CENPF: variants seen among roughly 807,000 people sequenced by gnomAD.
CENPF encodes AH antigen.
A neutral mutation model predicts 307.3 loss-of-function variants in CENPF; 214 were observed. The ratio of observed to expected loss-of-function variants is 0.70; its 90% CI spans 0.62 to 0.78. The LOEUF is 0.78. Ranked by LOEUF, CENPF falls within the 30% of genes least tolerant of loss-of-function variation. The pLI is 0.00. For missense variants in CENPF, 3,401 were observed against 3,483.9 expected (o/e 0.98, Z 0.60); for synonymous variants, 1,259 against 1,270.6 (o/e 0.99, Z 0.19).
At position 214,645,981 on chromosome 1, in the gene CENPF, C is replaced by T. The variant is rs138973447; in HGVS notation, c.6411C>T (p.His2137=). The T allele has an allele frequency of 3.6e-5, 58 of 1,614,056 alleles. 2 individuals are homozygous for T. The South Asian group carries it at 6.1e-4, about 17-fold the overall frequency. ...AGGCCGATGAAAAGAAGCAGCTGCA[C>T]ATCGCAGAGAAACTGAAAGAACGCG... ...RIEADEKKQL[H]IAEKLKERER... The change falls in exon 13 of 20, where the codon CAC becomes CAT. Residue 2137 remains histidine (H), a synonymous_variant. Transcript: ENST00000366955.
intron 16 of CENPF, 50 bp from the exon 17 acceptor site, chr1:214,655,191 C>T: frequency 8.2e-7 from 1 of 1,221,384 alleles, no homozygotes; most frequent in Non-Finnish European, 1.1e-6. Flanking sequence ...TTTCCATATG[C>T]TTATAAAAAG....
intron 9 of CENPF, 37 bp downstream of exon 9, chr1:214,630,699 C>T: frequency 1.9e-6 from 3 of 1,606,910 alleles, no homozygotes; most frequent in Non-Finnish European, 2.6e-6. Flanking sequence ...CTTAATCATC[C>T]CCTCTTGTTC....
Position 214,662,157 on chromosome 1 carries a change from GTC to G in CENPF, c.9142-1426_9142-1425del, listed in dbSNP as rs909599404. On this transcript the variant is annotated intron_variant, in intron 19 of 19. Coordinates refer to ENST00000366955, the MANE Select transcript of CENPF (RefSeq NM_016343.4). ...ACTTTCTGTTTCCTATGGGCTATCT[GTC>G]TCTCTCTTTTTAAATGGCAAACCTA... 2.6e-4 allele frequency among the ~76,000 whole-genome samples: 39 copies of G among 151,700 alleles called. 1 individual carries two copies. The highest frequency in any genetic ancestry group is 2.0e-3 in the Admixed American group (30 of 15,236).
At chr1:214,644,225 A>T (rs914680576) in intron 12 of CENPF, among the ~76,000 whole-genome samples, 1 of 152,266 alleles carries the variant, frequency 6.6e-6, no homozygotes, top group South Asian at 2.1e-4. Context: ...TTTAATAATT[A>T]CAAAGAGATT....
At chr1:214,627,966 A>C (rs928407827) in intron 7 of CENPF, among the ~76,000 whole-genome samples, 1 of 152,188 alleles carries the variant, frequency 6.6e-6, no homozygotes, top group Non-Finnish European at 1.5e-5. Flanking sequence ...AAGTATTTAC[A>C]AGTTGTGAGA....
intron 5 of CENPF, 149 bp downstream of exon 5, chr1:214,619,369 G>T (rs1034688081): frequency 6.6e-5 from 32 of 488,368 alleles, no homozygotes; most frequent in African/African-American, 6.3e-4. Flanking sequence ...CTCAGTGGAG[G>T]TGATTATTTT....
In CENPF at chr1:214,655,343, A is replaced by G. The variant is rs747366591; in HGVS notation, c.8425A>G (p.Lys2809Glu). 1.2e-6 allele frequency: 2 copies of G among 1,610,790 alleles called. No individual in the cohort carries two copies. The highest frequency in any genetic ancestry group is 1.7e-6 in the Non-Finnish European group (2 of 1,178,340). The part of the protein sequence containing the change: ...IKSCKQLEEE[K>E]EILQKELSQL... ...ATCCTGTAAACAGCTGGAAGAGGAA[A>G]AGGAGATACTGCAGAAAGAACTCTC... Residue 2809 changes from lysine to glutamate, a missense_variant, in exon 17 of 20, where the codon AAG becomes GAG. Coordinates refer to ENST00000366955, the MANE Select transcript of CENPF (RefSeq NM_016343.4).
chr1:214,609,256 A>G (rs568611053), intron 1 of CENPF, among the ~76,000 whole-genome samples: 56 of 152,228 alleles, frequency 3.7e-4, no homozygotes, highest in Admixed American at 3.3e-3. Flanking sequence ...TTTCCTGGTC[A>G]GTGTCTGTCT....
chr1:214,624,045 C>G (rs2102541891), intron 7 of CENPF, among the ~76,000 whole-genome samples: 1 of 152,216 alleles, frequency 6.6e-6, no homozygotes, highest in East Asian at 1.9e-4. Context: ...TGCAGTTGTA[C>G]AAAATAATAG....
chr1:214,615,085 G>A lies in CENPF; in HGVS notation c.359+57G>A, dbSNP rs933353908. The A allele has an allele frequency of 2.2e-5, 27 of 1,204,344 alleles. No homozygotes were observed. The East Asian group carries it at 4.2e-4, about 19-fold the overall frequency. 74.6% of individuals were successfully genotyped at this position (1,204,344 alleles called of 1,614,324 possible). On this transcript the variant is annotated intron_variant, in intron 3 of 19. Coordinates refer to ENST00000366955, the MANE Select transcript of CENPF (RefSeq NM_016343.4). ...ATATTTGTATGTATTAATCAGATGC[G>A]TTTGTCTTTTCCTTTAACAATATAA...
Position 214,655,237 on chromosome 1 carries a change from G to A in CENPF, c.8323-4G>A, listed in dbSNP as rs754652762. On this transcript the variant is annotated splice_region_variant and splice_polypyrimidine_tract_variant and intron_variant, in intron 16 of 19. Transcript: ENST00000366955. The stretch of plus-strand genomic sequence containing the variant: ...TTTTAAATGGAATTACTTTTATTTT[G>A]TAGATGGACAATCTAAAATATGTAA... 4.5e-6 allele frequency: 7 copies of A among 1,559,884 alleles called. No individual in the cohort carries two copies. Among genetic ancestry groups the A allele is most frequent in the Non-Finnish European group, 5.2e-6 (6 of 1,154,510 alleles).
intron 19 of CENPF, among the ~76,000 whole-genome samples, chr1:214,661,954 G>T (rs1179159625): frequency 1.3e-5 from 2 of 151,130 alleles, no homozygotes; most frequent in African/African-American, 2.4e-5. Context: ...ATTTGACTTT[G>T]TCTGGTTATA....
intron 1 of CENPF, among the ~76,000 whole-genome samples, chr1:214,609,379 C>T (rs1427028137): frequency 6.6e-6 from 1 of 152,104 alleles, no homozygotes; most frequent in African/African-American, 2.4e-5. Context: ...AGGAGATGGG[C>T]TACCTGTGCT....
intron 13 of CENPF, chr1:214,648,013 A>C (rs771324491): frequency 2.0e-6 from 1 of 488,102 alleles, no homozygotes; most frequent in Admixed American, 2.1e-5. Context: ...CAATTATTAA[A>C]GAAAAATTAA....
At chr1:214,639,620 A>AAC (rs1658052221) in intron 11 of CENPF, among the ~76,000 whole-genome samples, 1 of 152,260 alleles carries the variant, frequency 6.6e-6, no homozygotes, top group Admixed American at 6.5e-5. Flanking sequence ...AAAGAAAAGA[A>AAC]ACAGTGCTTA....
At position 214,641,886 on chromosome 1, in the gene CENPF, G is replaced by A. The variant is rs1010538894; in HGVS notation, c.3548G>A (p.Ser1183Asn). The change falls in exon 12 of 20, where the codon AGT becomes AAT. Residue 1183 changes from serine (S) to asparagine (N), a missense_variant. Coordinates refer to ENST00000366955, the MANE Select transcript of CENPF (RefSeq NM_016343.4). Reference protein sequence around the residue: ...PIRNSVKERESERNQCNFKPQ... With the variant: ...PIRNSVKERENERNQCNFKPQ... ...AGGAACTCTGTGAAAGAAAGAGAGA[G>A]TGAGAGAAATCAATGTAATTTTAAA... The A allele has an allele frequency of 6.3e-7, 1 of 1,596,434 alleles. No homozygotes were observed. The highest frequency in any genetic ancestry group is 1.4e-5 in the African/African-American group (1 of 73,584).
intron 19 of CENPF, among the ~76,000 whole-genome samples, chr1:214,660,081 C>T (rs981671906): frequency 2.2e-4 from 34 of 152,150 alleles, no homozygotes; most frequent in African/African-American, 8.0e-4. Flanking sequence ...GGTGGTTACA[C>T]GTGGGCGATC....
intron 2 of CENPF, among the ~76,000 whole-genome samples, chr1:214,614,505 A>G (rs1657283790): frequency 2.0e-5 from 3 of 152,242 alleles, no homozygotes; most frequent in Admixed American, 6.5e-5. Flanking sequence ...GTTTCTAACA[A>G]TAACTGGTTT....
intron 1 of CENPF, among the ~76,000 whole-genome samples, chr1:214,610,639 T>C (rs1657173795): frequency 1.3e-5 from 2 of 152,316 alleles, no homozygotes; most frequent in African/African-American, 4.8e-5. Context: ...TTAGGTTGTC[T>C]TTTTACTCTG....
Sources: allele counts gnomAD v4.1 joint callset (sites outside exome capture counted in the v4.1 genomes callset), GRCh38; gene constraint gnomAD v4.1.1; transcripts MANE v1.5; gene names NCBI Gene and HGNC (gene_info 2026-07-23, HGNC 2026-07-21).